SLX4IP: variants seen among roughly 807,000 people sequenced by gnomAD.
SLX4IP encodes protein SLX4IP.
In SLX4IP, 34 loss-of-function variants were observed where a neutral mutation model predicts 32.9. The ratio of observed to expected loss-of-function variants is 1.03; its 90% CI spans 0.79 to 1.38. SLX4IP has a LOEUF of 1.38. SLX4IP is among the 40% of genes most tolerant of loss of function. The pLI is 0.00. For missense variants in SLX4IP, 444 were observed against 479.0 expected (o/e 0.93, Z 0.68); for synonymous variants, 172 against 171.7 (o/e 1.00, Z -0.01).
intron 2 of SLX4IP, among the ~76,000 whole-genome samples, chr20:10,518,656 C>T (rs1410505943): frequency 1.3e-5 from 2 of 151,852 alleles, no homozygotes; most frequent in Non-Finnish European, 2.9e-5. Flanking sequence ...TCACTGCGAC[C>T]TCCAGGGCTC....
intron 2 of SLX4IP, among the ~76,000 whole-genome samples, chr20:10,537,082 C>T (rs1007009172): frequency 6.6e-6 from 1 of 151,954 alleles, no homozygotes; most frequent in Non-Finnish European, 1.5e-5. Context: ...ACATTAGAGG[C>T]CTGGGATAAA....
At chr20:10,622,514 G>A in intron 7 of SLX4IP, 145 bp from the exon 8 acceptor site, 1 of 1,093,718 alleles carries the variant, frequency 9.1e-7, no homozygotes, top group Non-Finnish European at 1.3e-6. Context: ...CTGTGGTGGG[G>A]AGTGTTTCCA....
chr20:10,617,401 G>A (rs1021383099), intron 6 of SLX4IP, among the ~76,000 whole-genome samples: 5 of 152,138 alleles, frequency 3.3e-5, no homozygotes, highest in Non-Finnish European at 7.4e-5. Flanking sequence ...TGGCCTGCGG[G>A]AGCCCCTCCT....
intron 4 of SLX4IP, among the ~76,000 whole-genome samples, chr20:10,598,349 C>T (rs1008309141): frequency 6.6e-6 from 1 of 152,166 alleles, no homozygotes; most frequent in Non-Finnish European, 1.5e-5. Flanking sequence ...CTACAACCTC[C>T]ACTTCCCAGG....
intron 2 of SLX4IP, among the ~76,000 whole-genome samples, chr20:10,539,033 A>G (rs1438338481): frequency 6.6e-6 from 1 of 152,200 alleles, no homozygotes; most frequent in African/African-American, 2.4e-5. Context: ...TTTTTATCTC[A>G]CCAAATAAAA....
At chr20:10,552,554 T>G (rs1892775449) in intron 2 of SLX4IP, among the ~76,000 whole-genome samples, 1 of 152,064 alleles carries the variant, frequency 6.6e-6, no homozygotes, top group African/African-American at 2.4e-5. Context: ...GAGAGCCCCC[T>G]GCGGGGGAGG....
chr20:10,487,915 C>T lies in SLX4IP; in HGVS notation c.27+29684C>T, dbSNP rs2065588537. Among the ~76,000 whole-genome samples, 4 of 152,104 alleles carry T rather than the reference C, an allele frequency of 2.6e-5. No homozygotes were observed. In the South Asian group the frequency reaches 8.3e-4, roughly 31 times the overall value. ...AGTGACCAAATGGAATGATGATTTC[C>T]TTTTCCTGGCATTTGAATGTTTCAT... On this transcript the variant is annotated intron_variant, in intron 2 of 7. Coordinates refer to ENST00000334534, the MANE Select transcript of SLX4IP (RefSeq NM_001009608.3).
chr20:10,459,304 C>T (rs1426111093), intron 2 of SLX4IP, among the ~76,000 whole-genome samples: 1 of 152,106 alleles, frequency 6.6e-6, no homozygotes, highest in East Asian at 1.9e-4. Flanking sequence ...TTCTCCCATT[C>T]TGTAGGTTGT....
chr20:10,575,543 C>G (rs894891706), intron 4 of SLX4IP, among the ~76,000 whole-genome samples: 1 of 150,086 alleles, frequency 6.7e-6, no homozygotes, highest in Non-Finnish European at 1.5e-5. Flanking sequence ...GCTCTCCCTA[C>G]CCCCCACCCC....
At chr20:10,450,100 G>A (rs1407280685) in intron 1 of SLX4IP, among the ~76,000 whole-genome samples, 2 of 152,168 alleles carry the variant, frequency 1.3e-5, no homozygotes, top group Admixed American at 1.3e-4. Flanking sequence ...TGAAAGCCTT[G>A]CCTTGGCCTT....
intron 4 of SLX4IP, among the ~76,000 whole-genome samples, chr20:10,577,536 C>A (rs1244933650): frequency 6.6e-6 from 1 of 151,724 alleles, no homozygotes; most frequent in Non-Finnish European, 1.5e-5. Flanking sequence ...GGCAACATAA[C>A]AAGGTTCTGT....
intron 2 of SLX4IP, among the ~76,000 whole-genome samples, chr20:10,483,588 A>G (rs2065544727): frequency 6.6e-6 from 1 of 152,198 alleles, no homozygotes; most frequent in African/African-American, 2.4e-5. Context: ...TTAATTACAT[A>G]TTACAATTTA....
chr20:10,616,179 C>G (rs902468618), intron 6 of SLX4IP, among the ~76,000 whole-genome samples: 1 of 152,008 alleles, frequency 6.6e-6, no homozygotes, highest in African/African-American at 2.4e-5. Flanking sequence ...CTCTATATCC[C>G]GTCCATCAGC....
chr20:10,531,553 A>G (rs1365937847), intron 2 of SLX4IP, among the ~76,000 whole-genome samples: 1 of 152,192 alleles, frequency 6.6e-6, no homozygotes, highest in African/African-American at 2.4e-5. Context: ...TGGGGACCCA[A>G]TTTTGAATAA....
chr20:10,442,356 T>TAGGCA, intron 1 of SLX4IP, among the ~76,000 whole-genome samples: 1 of 152,324 alleles, frequency 6.6e-6, no homozygotes, highest in East Asian at 1.9e-4. Flanking sequence ...AAATTAATTT[T>TAGGCA]TTAAAGCTCT....
In SLX4IP at chr20:10,622,745, T is replaced by G; in HGVS notation, c.593T>G (p.Ile198Ser). 1.9e-6 allele frequency: 3 copies of G among 1,614,160 alleles called. No homozygotes were observed. The highest frequency in any genetic ancestry group is 2.5e-6 in the Non-Finnish European group (3 of 1,180,028). Reference protein sequence around the residue: ...DTVETSSDSVIAEIARRRNDG... With the variant: ...DTVETSSDSVSAEIARRRNDG... ...GTGGAAACATCTAGTGACTCAGTGA[T>G]TGCAGAGATAGCAAGGAGGAGGAAT... The change falls in exon 8 of 8, where the codon ATT becomes AGT. Residue 198 changes from isoleucine to serine, a missense_variant. Ile to Ser is a moderately radical substitution (Grantham distance 142, BLOSUM62 -2). Coordinates refer to ENST00000334534, the MANE Select transcript of SLX4IP (RefSeq NM_001009608.3).
At chr20:10,596,596 C>T (rs924281122) in intron 4 of SLX4IP, among the ~76,000 whole-genome samples, 3 of 152,104 alleles carry the variant, frequency 2.0e-5, no homozygotes, top group Non-Finnish European at 2.9e-5. Flanking sequence ...AACATGCCTC[C>T]TGAATCTTAA....
At chr20:10,451,032 G>A (rs527384894) in intron 1 of SLX4IP, among the ~76,000 whole-genome samples, 5 of 152,024 alleles carry the variant, frequency 3.3e-5, no homozygotes, top group Admixed American at 6.6e-5. Context: ...GATTACAGGC[G>A]TGAGCCACCG....
chr20:10,623,158 G>A lies in SLX4IP; in HGVS notation c.1006G>A (p.Ala336Thr). The change falls in exon 8 of 8, where the codon GCT becomes ACT. Residue 336 changes from alanine to threonine, a missense_variant. Coordinates refer to ENST00000334534, the MANE Select transcript of SLX4IP (RefSeq NM_001009608.3). ...AAGCAAAGCTGTCAGGGTTTTGCCA[G>A]CTTCAGAGTTGTCAGATCCAGGGTT... ...EKSKAVRVLP[A>T]SELSDPGLLL... 7 of 1,614,236 alleles carry A rather than the reference G, an allele frequency of 4.3e-6. No individual in the cohort carries two copies. The highest frequency in any genetic ancestry group is 5.9e-6 in the Non-Finnish European group (7 of 1,180,050).
Sources: allele counts gnomAD v4.1 joint callset (sites outside exome capture counted in the v4.1 genomes callset), GRCh38; gene constraint gnomAD v4.1.1; transcripts MANE v1.5; gene names NCBI Gene and HGNC (gene_info 2026-07-23, HGNC 2026-07-21).